GOLGA4: variants seen among roughly 807,000 people sequenced by gnomAD.
GOLGA4 encodes golgin A4, also known as golgin subfamily A member 4.
In GOLGA4, 169 loss-of-function variants were observed where a neutral mutation model predicts 265.9. The ratio of observed to expected loss-of-function variants is 0.64; its 90% CI spans 0.56 to 0.72. GOLGA4 has a LOEUF of 0.72. Among genes scored for constraint, GOLGA4 ranks in the 30% least tolerant of loss-of-function variants. The probability of loss-of-function intolerance (pLI) is 0.00; values close to 1 mark genes in which losing one functional copy is unlikely to be tolerated. For missense variants in GOLGA4, 2,482 were observed against 2,483.4 expected, an observed-to-expected ratio of 1.00 and a Z score of 0.01; for synonymous variants, 923 against 855.8, an observed-to-expected ratio of 1.08 and a Z score of -1.37.
At chr3:37,282,595 C>T (rs1476801132) in intron 3 of GOLGA4, among the ~76,000 whole-genome samples, 2 of 152,216 alleles carry the variant, frequency 1.3e-5, no homozygotes, top group African/African-American at 2.4e-5. Flanking sequence ...TGGAGTTCAT[C>T]TTCTGGCTCA....
At chr3:37,323,507 G>A in intron 13 of GOLGA4, 81 bp from the exon 14 acceptor site, 2 of 763,648 alleles carry the variant, frequency 2.6e-6, no homozygotes, top group South Asian at 2.0e-5. Flanking sequence ...CTTCAGGTAG[G>A]TGGTAGACAT....
chr3:37,349,561 G>T (rs578174820), intron 21 of GOLGA4, among the ~76,000 whole-genome samples: 1 of 152,152 alleles, frequency 6.6e-6, no homozygotes, highest in African/African-American at 2.4e-5. Flanking sequence ...ACTTAAGGCT[G>T]CACAGAGAAT....
chr3:37,288,561 C>T (rs1194080430), intron 4 of GOLGA4, among the ~76,000 whole-genome samples: 1 of 151,518 alleles, frequency 6.6e-6, no homozygotes, highest in Non-Finnish European at 1.5e-5. Context: ...ACTGCAAGCT[C>T]TGCCTCCTGG....
At chr3:37,310,816 C>T (rs965681248) in intron 10 of GOLGA4, among the ~76,000 whole-genome samples, 1 of 151,734 alleles carries the variant, frequency 6.6e-6, no homozygotes, top group African/African-American at 2.4e-5. Context: ...CAACATTCTG[C>T]GGCAGTTCGT....
At chr3:37,340,333 A>T (rs1314535513) in intron 20 of GOLGA4, 134 bp downstream of exon 20, 8 of 480,500 alleles carry the variant, frequency 1.7e-5, no homozygotes, top group Non-Finnish European at 2.6e-5. Context: ...TTTTTTCTTA[A>T]TTGACAAATG....
intron 23 of GOLGA4, among the ~76,000 whole-genome samples, chr3:37,363,515 G>C (rs2151098109): frequency 6.6e-6 from 1 of 152,284 alleles, no homozygotes; most frequent in African/African-American, 2.4e-5. Flanking sequence ...TGTTTGGCCA[G>C]ATTTTCTGAC....
chr3:37,276,946 ACT>A (rs1214805062), intron 2 of GOLGA4, among the ~76,000 whole-genome samples: 1 of 152,042 alleles, frequency 6.6e-6, no homozygotes, highest in Non-Finnish European at 1.5e-5. Flanking sequence ...AAATTCTGTT[ACT>A]CTCTGTTATT....
At chr3:37,343,527 G>A (rs1470063185) in intron 20 of GOLGA4, among the ~76,000 whole-genome samples, 4 of 152,164 alleles carry the variant, frequency 2.6e-5, no homozygotes, top group Middle Eastern at 3.2e-3. Flanking sequence ...GGCCAGGCTG[G>A]TTTTGAACTC....
chr3:37,330,500 A>G (rs2096986421), intron 16 of GOLGA4, among the ~76,000 whole-genome samples: 1 of 152,178 alleles, frequency 6.6e-6, no homozygotes, highest in Admixed American at 6.5e-5. Flanking sequence ...GACTCATGAC[A>G]GACCTTTTAG....
intron 22 of GOLGA4, among the ~76,000 whole-genome samples, chr3:37,359,898 A>G (rs974054944): frequency 1.3e-5 from 2 of 152,202 alleles, no homozygotes; most frequent in Non-Finnish European, 2.9e-5. Flanking sequence ...AATATTGCAC[A>G]TGTCAAATAC....
At chr3:37,286,941 A>G (rs964856077) in intron 4 of GOLGA4, among the ~76,000 whole-genome samples, 12 of 152,196 alleles carry the variant, frequency 7.9e-5, no homozygotes, top group African/African-American at 2.7e-4. Context: ...GTTTCTATGC[A>G]TTGGCTATGG....
intron 7 of GOLGA4, among the ~76,000 whole-genome samples, chr3:37,296,635 A>G (rs2096879173): frequency 1.3e-5 from 2 of 152,172 alleles, no homozygotes; most frequent in Non-Finnish European, 2.9e-5. Flanking sequence ...CAGTAGCATG[A>G]TCTCGGCTCA....
In GOLGA4 at chr3:37,286,013, G is replaced by T; in HGVS notation, c.478-1G>T. 1 of 1,550,886 alleles carries T rather than the reference G, an allele frequency of 6.4e-7. No homozygotes were observed. The highest frequency in any genetic ancestry group is 1.7e-5 in the Admixed American group (1 of 57,268). On this transcript the variant is annotated splice_acceptor_variant, in intron 3 of 23. Coordinates refer to ENST00000361924, the MANE Select transcript of GOLGA4 (RefSeq NM_002078.5). LOFTEE classifies it high-confidence loss of function. ...TAATGTTGTTGATGACTATATTTTA[G>T]CTTGTTACAGCTTATCAGATGCTTC...
Position 37,327,381 on chromosome 3 carries a change from A to G in GOLGA4, c.5495A>G (p.Glu1832Gly), listed in dbSNP as rs1203759127. Reference sequence around the variant, plus strand: ...AACATACAGGCAAAGCAAAACTTGGAAAATGTGTTTGACGACGTCCAGAAA... The same window carrying G: ...AACATACAGGCAAAGCAAAACTTGGGAAATGTGTTTGACGACGTCCAGAAA... ...KNNIQAKQNL[E>G]NVFDDVQKTL... Residue 1832 changes from glutamate (E) to glycine (G), a missense_variant, in exon 14 of 24, where the codon GAA becomes GGA. Glu to Gly is a moderately conservative substitution (Grantham distance 98). Coordinates refer to ENST00000361924, the MANE Select transcript of GOLGA4 (RefSeq NM_002078.5). 6.2e-7 allele frequency: 1 copy of G among 1,613,860 alleles called. No individual in the cohort carries two copies. Among genetic ancestry groups the G allele is most frequent in the South Asian group, 1.1e-5 (1 of 91,058 alleles).
chr3:37,259,064 T>C (rs1219963910), intron 2 of GOLGA4, among the ~76,000 whole-genome samples: 1 of 152,198 alleles, frequency 6.6e-6, no homozygotes, highest in African/African-American at 2.4e-5. Context: ...ATTAATTCTT[T>C]AAATGTTTGG....
intron 21 of GOLGA4, among the ~76,000 whole-genome samples, chr3:37,347,614 G>T (rs554548971): frequency 6.6e-6 from 1 of 152,078 alleles, no homozygotes; most frequent in East Asian, 1.9e-4. Context: ...TAAGTTAGAA[G>T]AATAGATTTC....
At chr3:37,342,407 T>G (rs1311732922) in intron 20 of GOLGA4, among the ~76,000 whole-genome samples, 2 of 152,138 alleles carry the variant, frequency 1.3e-5, no homozygotes, top group African/African-American at 4.8e-5. Context: ...TTCCTAGTTC[T>G]TTAGAAGCCC....
chr3:37,351,392 A>G (rs922848938), intron 21 of GOLGA4, among the ~76,000 whole-genome samples: 1 of 152,128 alleles, frequency 6.6e-6, no homozygotes, highest in African/African-American at 2.4e-5. Flanking sequence ...CAAATCATCC[A>G]TGAAAGTTGG....
chr3:37,243,683 G>A (rs376259124), intron 1 of GOLGA4, 61 bp downstream of exon 1: 52 of 1,377,112 alleles, frequency 3.8e-5, no homozygotes, highest in East Asian at 1.6e-4. Context: ...GCCCGCGGAC[G>A]AAAGAGGCGG....
Sources: allele counts gnomAD v4.1 joint callset (sites outside exome capture counted in the v4.1 genomes callset), GRCh38; gene constraint gnomAD v4.1.1; transcripts MANE v1.5; gene names NCBI Gene and HGNC (gene_info 2026-07-23, HGNC 2026-07-21).